The following GIPC3 variants were observed in gnomAD, a reference collection of about 807,000 sequenced individuals.
The protein encoded by GIPC3 is GIPC PDZ domain containing family member 3.
Under a neutral mutation model 27.3 loss-of-function variants are expected in GIPC3, and 16 were observed. That is an observed-to-expected ratio of 0.59 (90% CI 0.40 to 0.89). GIPC3 has a LOEUF of 0.89. Among genes scored for constraint, GIPC3 ranks in the 40% least tolerant of loss-of-function variants. GIPC3 has a pLI of 0.00. For synonymous variants in GIPC3, 194 were observed against 184.6 expected (o/e 1.05, Z -0.41); for missense variants, 440 against 442.1 (o/e 1.00, Z 0.04).
At chr19:3,589,723 C>A in intron 4 of GIPC3, 108 bp from the exon 5 acceptor site, 2 of 1,056,302 alleles carry the variant, frequency 1.9e-6, no homozygotes, top group African/African-American at 1.6e-5. Flanking sequence ...ACTACTGACT[C>A]GTGTGAGGGT....
At position 3,587,001 on chromosome 19, in the gene GIPC3, CGGGTGGGCT is replaced by C. The variant is rs1294649730; in HGVS notation, c.592+10_592+18del. On this transcript the variant is annotated splice_region_variant and intron_variant, in intron 3 of 5. Coordinates refer to ENST00000644452, the MANE Select transcript of GIPC3 (RefSeq NM_133261.3). ...CAGCCCAAGAGGGCCTTCGGTGAGG[CGGGTGGGCT>C]GGCGGGAGCTCTTCCCGAAGTGCGT... is the stretch of plus-strand genomic sequence containing the variant. 1 of 1,610,346 alleles carries C rather than the reference CGGGTGGGCT, an allele frequency of 6.2e-7. No homozygotes were observed. Among genetic ancestry groups the C allele is most frequent in the Non-Finnish European group, 8.5e-7 (1 of 1,178,938 alleles).
In GIPC3 at chr19:3,591,336, G is replaced by A; in HGVS notation, c.*1146G>A. 2 of 1,232,336 alleles carry A rather than the reference G, an allele frequency of 1.6e-6. No individual in the cohort carries two copies. Among genetic ancestry groups the A allele is most frequent in the Non-Finnish European group, 2.0e-6 (2 of 988,246 alleles). 76.3% of individuals were successfully genotyped at this position (1,232,336 alleles called of 1,614,324 possible). ...GAGCCCTGACAACAAGCCAAACTCT[G>A]GAACCCAGACACATTTTAAGACCCA... On this transcript the variant is annotated 3_prime_UTR_variant, in exon 6 of 6. Coordinates refer to ENST00000644452, the MANE Select transcript of GIPC3 (RefSeq NM_133261.3).
rs1359688104 is a variant in GIPC3 at position 3,589,931 on chromosome 19, C to A, written c.787+19C>A. 9 of 1,613,530 alleles carry A rather than the reference C, an allele frequency of 5.6e-6. No individual in the cohort carries two copies. The highest frequency in any genetic ancestry group is 7.6e-6 in the Non-Finnish European group (9 of 1,179,992). The stretch of plus-strand genomic sequence containing the variant: ...GAGCTGGGTAAGGGGCCAGGGTAAG[C>A]CAGGGGGCCCTGGGGGGAGGGAAGC... On this transcript the variant is annotated intron_variant, in intron 5 of 5. Transcript: ENST00000644452.
Position 3,591,381 on chromosome 19 carries a change from C to A in GIPC3, c.*1191C>A, listed in dbSNP as rs528825539. 2 of 1,232,358 alleles carry A rather than the reference C, an allele frequency of 1.6e-6. No homozygotes were observed. The highest frequency in any genetic ancestry group is 6.3e-5 in the East Asian group (2 of 31,712). The allele number at this position is 1,232,358 out of a possible 1,614,324, so 76.3% of individuals were successfully genotyped here. A position where few individuals can be genotyped will look rare whatever the true frequency, so the allele number is the denominator to read the frequency against. ...GACCCAGACCAGCTTGGAGACCAATCCCAGTTCCAGAATCCAGGCTAGCTC... is the reference window on the plus strand; with the variant it reads ...GACCCAGACCAGCTTGGAGACCAATACCAGTTCCAGAATCCAGGCTAGCTC... On this transcript the variant is annotated 3_prime_UTR_variant, in exon 6 of 6. Transcript: ENST00000644452.
Position 3,589,825 on chromosome 19 carries a change from C to T in GIPC3, c.706-6C>T. On this transcript the variant is annotated splice_region_variant and splice_polypyrimidine_tract_variant and intron_variant, in intron 4 of 5. Coordinates refer to ENST00000644452, the MANE Select transcript of GIPC3 (RefSeq NM_133261.3). ...CACCCCTGACTTCCCTCCCGTGTGC[C>T]CCCAGCCCAGTGAGTTTGAGGAGGA... is the stretch of plus-strand genomic sequence containing the variant. The T allele has an allele frequency of 6.2e-7, 1 of 1,613,564 alleles. No homozygotes were observed. The highest frequency in any genetic ancestry group is 8.5e-7 in the Non-Finnish European group (1 of 1,179,940).
At position 3,590,031 on chromosome 19, in the gene GIPC3, G is replaced by A. The variant is rs1296537689; in HGVS notation, c.788-8G>A. ...CCTCACTGACATCCCCTCTGGCACG[G>A]CCCGCAGCGTCCACCATGGTGGAGA... On this transcript the variant is annotated splice_region_variant and splice_polypyrimidine_tract_variant and intron_variant, in intron 5 of 5. Transcript: ENST00000644452. 6.2e-7 allele frequency: 1 copy of A among 1,612,500 alleles called. No individual in the cohort carries two copies. Among genetic ancestry groups the A allele is most frequent in the Non-Finnish European group, 8.5e-7 (1 of 1,179,484 alleles).
chr19:3,592,693 A>T lies in GIPC3; in HGVS notation c.*2503A>T. The T allele has an allele frequency of 8.1e-7, 1 of 1,230,764 alleles. No homozygotes were observed. Among genetic ancestry groups the T allele is most frequent in the African/African-American group, 1.6e-5 (1 of 64,422 alleles). The allele number at this position is 1,230,764 out of a possible 1,614,324, so 76.2% of individuals were successfully genotyped here. A position where few individuals can be genotyped will look rare whatever the true frequency, so the allele number is the denominator to read the frequency against. ...GGAGCCCAACTTAGTTCCAGAACCC[A>T]GTCCAGCTCTGAGACCGGGCTCAGC... is the stretch of plus-strand genomic sequence containing the variant. On this transcript the variant is annotated 3_prime_UTR_variant, in exon 6 of 6. Coordinates refer to ENST00000644452, the MANE Select transcript of GIPC3 (RefSeq NM_133261.3).
chr19:3,589,469 A>T lies in GIPC3; in HGVS notation c.619A>T (p.Ser207Cys), dbSNP rs2032439683. Residue 207 changes from serine (S) to cysteine (C), a missense_variant, in exon 4 of 6, where the codon AGC becomes TGC. By Grantham distance (112) the Ser-to-Cys change is moderately radical. Transcript: ENST00000644452. ...FDMIGQRSRS[S>C]KCPVEAKVTS... is the part of the protein sequence containing the mutation. ...TATGATTGGCCAGAGAAGTCGGTCC[A>T]GCAAATGTCCAGTAGAGGCGAAAGT... The T allele has an allele frequency of 1.2e-6, 2 of 1,613,934 alleles. No homozygotes were observed. Among genetic ancestry groups the T allele is most frequent in the Non-Finnish European group, 1.7e-6 (2 of 1,179,986 alleles).
chr19:3,588,714 G>A (rs539650930), intron 3 of GIPC3, among the ~76,000 whole-genome samples: 57 of 151,730 alleles, frequency 3.8e-4, no homozygotes, highest in African/African-American at 9.2e-4. Context: ...GAAGGCCAAG[G>A]CGGGTGCATC....
intron 1 of GIPC3, 52 bp downstream of exon 1, chr19:3,585,874 G>C: frequency 6.6e-7 from 1 of 1,521,542 alleles, no homozygotes; most frequent in South Asian, 1.2e-5. Flanking sequence ...TGGGGTGAGG[G>C]GTAGGGAGCT....
rs2032490985 is a variant in GIPC3 at position 3,591,742 on chromosome 19, C to G, written c.*1552C>G. ...GATGATTCCAGCTCTGAGACTGAGC[C>G]CAGCTCTAGAACCTCGCCTAGTGCT... is the stretch of plus-strand genomic sequence containing the variant. On this transcript the variant is annotated 3_prime_UTR_variant, in exon 6 of 6. Transcript: ENST00000644452. The G allele has an allele frequency of 8.1e-7, 1 of 1,233,430 alleles. No homozygotes were observed. The highest frequency in any genetic ancestry group is 3.1e-5 in the East Asian group (1 of 31,754). The allele number at this position is 1,233,430 out of a possible 1,614,324, so 76.4% of individuals were successfully genotyped here.
At chr19:3,589,775 T>C in intron 4 of GIPC3, 56 bp from the exon 5 acceptor site, 1 of 1,461,362 alleles carries the variant, frequency 6.8e-7, no homozygotes, top group Non-Finnish European at 9.4e-7. Context: ...GGGAGGGGGC[T>C]GGGCTGGAGG....
Position 3,585,796 on chromosome 19 carries a change from G to A in GIPC3, c.199G>A (p.Glu67Lys). ...CCGCGAGCTGTACGCCAAGATCGCC[G>A]AAGCCTTCGGGATCGCGCCCACCGA... ...NVRELYAKIA[E>K]AFGIAPTEIL... Residue 67 changes from glutamate to lysine, a missense_variant, in exon 1 of 6, where the codon GAA becomes AAA. Transcript: ENST00000644452. 1.3e-6 allele frequency: 2 copies of A among 1,547,128 alleles called. No individual in the cohort carries two copies. The highest frequency in any genetic ancestry group is 2.7e-5 in the African/African-American group (2 of 72,958).
intron 3 of GIPC3, 121 bp from the exon 4 acceptor site, chr19:3,589,322 T>A (rs2032436397): frequency 2.7e-6 from 2 of 753,972 alleles, no homozygotes; most frequent in Non-Finnish European, 4.8e-6. Context: ...GCCGTACAGA[T>A]GTAAGGAGGA....
rs1249329141 is a variant in GIPC3, at chr19:3,593,266, G to A, written c.*3076G>A. 8.1e-6 allele frequency: 10 copies of A among 1,232,582 alleles called. No individual in the cohort carries two copies. Among genetic ancestry groups the A allele is most frequent in the South Asian group, 8.2e-5 (2 of 24,328 alleles). The allele number at this position is 1,232,582 out of a possible 1,614,324, so 76.4% of individuals were successfully genotyped here. ...CCCACTCTGGGGGAGCCAGGAGCCC[G>A]CCCTTACCGCGGGGGGCCGTAGCTT... On this transcript the variant is annotated 3_prime_UTR_variant, in exon 6 of 6. Coordinates refer to ENST00000644452, the MANE Select transcript of GIPC3 (RefSeq NM_133261.3).
chr19:3,589,771 G>C, intron 4 of GIPC3, 60 bp from the exon 5 acceptor site: 1 of 1,548,542 alleles, frequency 6.5e-7, no homozygotes, highest in South Asian at 1.1e-5. Context: ...GGTCGGGAGG[G>C]GGCTGGGCTG....
At chr19:3,587,697 T>TTTTTCTTTTCTC (rs1195913507) in intron 3 of GIPC3, among the ~76,000 whole-genome samples, 2 of 145,320 alleles carry the variant, frequency 1.4e-5, no homozygotes, top group African/African-American at 5.1e-5. Context: ...TTTCTTTTCT[T>TTTTTCTTTTCTC]TTTTTTTTTT....
Position 3,591,828 on chromosome 19 carries a change from A to T in GIPC3, c.*1638A>T, listed in dbSNP as rs749890201. The T allele has an allele frequency of 1.5e-5, 18 of 1,233,768 alleles. No individual in the cohort carries two copies. The highest frequency in any genetic ancestry group is 1.7e-5 in the Non-Finnish European group (17 of 989,372). 76.4% of individuals were successfully genotyped at this position (1,233,768 alleles called of 1,614,324 possible). ...TGGAACCCCATCCATCTTGGAAGCA[A>T]GACCCAGCTCCAGCACACAGCTTGG... On this transcript the variant is annotated 3_prime_UTR_variant, in exon 6 of 6. Coordinates refer to ENST00000644452, the MANE Select transcript of GIPC3 (RefSeq NM_133261.3).
Position 3,590,414 on chromosome 19 carries a change from C to T in GIPC3, c.*224C>T. 1 of 1,432,442 alleles carries T rather than the reference C, an allele frequency of 7.0e-7. No individual in the cohort carries two copies. The highest frequency in any genetic ancestry group is 9.1e-7 in the Non-Finnish European group (1 of 1,097,866). 88.7% of individuals were successfully genotyped at this position (1,432,442 alleles called of 1,614,324 possible). On this transcript the variant is annotated 3_prime_UTR_variant, in exon 6 of 6. Coordinates refer to ENST00000644452, the MANE Select transcript of GIPC3 (RefSeq NM_133261.3). ...AGGCCAGCTCTGAGACCAAGCCCAG[C>T]ATTGAGAATAAGCTCTGTTCTAAAA... is the stretch of plus-strand genomic sequence containing the variant.
Sources: allele counts gnomAD v4.1 joint callset (sites outside exome capture counted in the v4.1 genomes callset), GRCh38; gene constraint gnomAD v4.1.1; transcripts MANE v1.5; gene names NCBI Gene and HGNC (gene_info 2026-07-23, HGNC 2026-07-21).